CNTNAP2: variants seen among roughly 807,000 people sequenced by gnomAD.
CNTNAP2 encodes the protein contactin associated protein 2.
Under a neutral mutation model 155.2 loss-of-function variants are expected in CNTNAP2, and 98 were observed. The observed-to-expected ratio is 0.63, with a 90% CI of 0.54 to 0.75. The LOEUF is 0.75. Ranked by LOEUF, CNTNAP2 falls within the 30% of genes least tolerant of loss-of-function variation. The pLI is 0.00. For synonymous variants in CNTNAP2, 651 were observed against 631.2 expected, an observed-to-expected ratio of 1.03 and a Z score of -0.47; for missense variants, 1,727 against 1,688.1, an observed-to-expected ratio of 1.02 and a Z score of -0.40.
intron 14 of CNTNAP2, among the ~76,000 whole-genome samples, chr7:147,959,424 G>A (rs1801078116): frequency 6.6e-6 from 1 of 152,124 alleles, no homozygotes; most frequent in Non-Finnish European, 1.5e-5. Flanking sequence ...CTTAGCCCAT[G>A]AGGGTTCTTG....
chr7:148,167,992 A>G (rs984282617), intron 17 of CNTNAP2, among the ~76,000 whole-genome samples: 23 of 152,252 alleles, frequency 1.5e-4, no homozygotes, highest in African/African-American at 5.3e-4. Flanking sequence ...TTTACTCTAG[A>G]TTTATTTGCT....
intron 10 of CNTNAP2, among the ~76,000 whole-genome samples, chr7:147,465,352 C>T (rs1435643896): frequency 6.6e-6 from 1 of 152,200 alleles, no homozygotes; most frequent in Non-Finnish European, 1.5e-5. Flanking sequence ...TTTGAGATTT[C>T]CCATCATCTA....
At chr7:146,605,539 A>G (rs966043185) in intron 1 of CNTNAP2, among the ~76,000 whole-genome samples, 1 of 143,864 alleles carries the variant, frequency 7.0e-6, no homozygotes, top group African/African-American at 2.5e-5. Context: ...AATGAACTAC[A>G]GATATTCAAT....
chr7:146,324,203 A>G (rs552389160), intron 1 of CNTNAP2, among the ~76,000 whole-genome samples: 4 of 152,298 alleles, frequency 2.6e-5, no homozygotes, highest in African/African-American at 9.6e-5. Flanking sequence ...GGGAGGTTGC[A>G]GTGAGCTGAG....
intron 1 of CNTNAP2, among the ~76,000 whole-genome samples, chr7:146,139,015 C>A (rs1797838557): frequency 6.6e-6 from 1 of 152,084 alleles, no homozygotes; most frequent in African/African-American, 2.4e-5. Flanking sequence ...AACAGCATAG[C>A]TAAGCCTCAC....
At chr7:146,822,421 T>G (rs1180055217) in intron 2 of CNTNAP2, among the ~76,000 whole-genome samples, 1 of 151,598 alleles carries the variant, frequency 6.6e-6, no homozygotes, top group Non-Finnish European at 1.5e-5. Flanking sequence ...TGTATACATA[T>G]GTAACAAACC....
At chr7:147,240,941 A>G (rs1287724127) in intron 8 of CNTNAP2, among the ~76,000 whole-genome samples, 1 of 152,146 alleles carries the variant, frequency 6.6e-6, no homozygotes, top group African/African-American at 2.4e-5. Context: ...GAGGTGGGAC[A>G]CTTTTATTTC....
intron 3 of CNTNAP2, among the ~76,000 whole-genome samples, chr7:147,004,156 C>G (rs1051141798): frequency 3.0e-5 from 4 of 134,396 alleles, no homozygotes; most frequent in African/African-American, 1.1e-4. Context: ...GTACAAAAAA[C>G]TATTGAAGAA....
chr7:147,800,831 T>C (rs1337753443), intron 13 of CNTNAP2, among the ~76,000 whole-genome samples: 1 of 152,246 alleles, frequency 6.6e-6, no homozygotes, highest in East Asian at 1.9e-4. Context: ...TTTCTATGTT[T>C]AGATATACAC....
intron 21 of CNTNAP2, among the ~76,000 whole-genome samples, chr7:148,322,771 TTTG>T: frequency 1.3e-5 from 2 of 149,338 alleles, no homozygotes; most frequent in Non-Finnish European, 1.5e-5. Flanking sequence ...GTAGTTTTGT[TTTG>T]TTTTGTTTTG....
chr7:147,086,789 T>A (rs966076617), intron 4 of CNTNAP2, among the ~76,000 whole-genome samples: 6 of 152,160 alleles, frequency 3.9e-5, no homozygotes, highest in Admixed American at 3.9e-4. Flanking sequence ...TGTAGCACTT[T>A]CTCTAACTAT....
chr7:148,184,505 G>A (rs1169371143), intron 18 of CNTNAP2, among the ~76,000 whole-genome samples: 1 of 152,182 alleles, frequency 6.6e-6, no homozygotes, highest in Non-Finnish European at 1.5e-5. Context: ...TCCCTAGGGA[G>A]TTGGGTCAAG....
At chr7:148,341,667 T>C (rs1337488192) in intron 21 of CNTNAP2, among the ~76,000 whole-genome samples, 2 of 152,184 alleles carry the variant, frequency 1.3e-5, no homozygotes, top group African/African-American at 4.8e-5. Flanking sequence ...CTTAGTAGTA[T>C]AGAAATGTTC....
chr7:147,784,599 A>G (rs1475992377), intron 13 of CNTNAP2, among the ~76,000 whole-genome samples: 1 of 135,488 alleles, frequency 7.4e-6, no homozygotes, highest in African/African-American at 2.6e-5. Flanking sequence ...GGGAAATGAG[A>G]TGAAAGAGGT....
intron 8 of CNTNAP2, among the ~76,000 whole-genome samples, chr7:147,165,572 TG>T (rs1259492665): frequency 6.6e-6 from 1 of 152,142 alleles, no homozygotes; most frequent in East Asian, 1.9e-4. Flanking sequence ...AGCCAATGTC[TG>T]GAAGGGTTTT....
At chr7:147,212,182 AG>A (rs1226416982) in intron 8 of CNTNAP2, among the ~76,000 whole-genome samples, 1 of 152,164 alleles carries the variant, frequency 6.6e-6, no homozygotes, top group African/African-American at 2.4e-5. Flanking sequence ...CATGGAAAGC[AG>A]TTTGGAGATT....
At chr7:147,058,139 C>T (rs886097827) in intron 4 of CNTNAP2, among the ~76,000 whole-genome samples, 5 of 152,116 alleles carry the variant, frequency 3.3e-5, no homozygotes, top group African/African-American at 1.2e-4. Flanking sequence ...ATCTTTTCAA[C>T]CAGGATCAAT....
intron 11 of CNTNAP2, among the ~76,000 whole-genome samples, chr7:147,489,776 C>A (rs1798573418): frequency 6.6e-6 from 1 of 152,038 alleles, no homozygotes; most frequent in Non-Finnish European, 1.5e-5. Flanking sequence ...CCACCATGCC[C>A]AGCTAATTTT....
intron 18 of CNTNAP2, 88 bp from the exon 19 acceptor site, chr7:148,217,200 G>T: frequency 1.6e-6 from 2 of 1,289,536 alleles, no homozygotes; most frequent in Non-Finnish European, 2.3e-6. Flanking sequence ...GCCAGTGCCT[G>T]CACTCCATGA....
Sources: allele counts gnomAD v4.1 joint callset (sites outside exome capture counted in the v4.1 genomes callset), GRCh38; gene constraint gnomAD v4.1.1; transcripts MANE v1.5; gene names NCBI Gene and HGNC (gene_info 2026-07-23, HGNC 2026-07-21).